The following TMEM278 variants were observed in gnomAD, a reference collection of about 807,000 sequenced individuals.
TMEM278 encodes the protein transmembrane protein 278.
chr1:1,426,045 G>A, the TMEM278 span: 5 of 1,278,828 alleles, frequency 3.9e-6, no homozygotes, highest in Non-Finnish European at 5.0e-6. Flanking sequence ...GTGGGGCGGG[G>A]TTAAAGGTCT....
chr1:1,428,547 CACA>C, the TMEM278 span, among the ~76,000 whole-genome samples: 5 of 152,282 alleles, frequency 3.3e-5, no homozygotes, highest in East Asian at 9.6e-4. Context: ...GCCACAGGTC[CACA>C]ACGTTCATCA....
chr1:1,430,018 C>G, the TMEM278 span, among the ~76,000 whole-genome samples: 2 of 152,160 alleles, frequency 1.3e-5, no homozygotes, highest in Non-Finnish European at 2.9e-5. Context: ...CCACCACACC[C>G]AGCTAATTTT....
chr1:1,427,213 C>T, the TMEM278 span, among the ~76,000 whole-genome samples: 1 of 146,696 alleles, frequency 6.8e-6, no homozygotes, highest in Admixed American at 6.8e-5. Context: ...TGCATCCTTT[C>T]CTCCACCCCG....
chr1:1,429,184 A>C, the TMEM278 span, among the ~76,000 whole-genome samples: 3 of 151,094 alleles, frequency 2.0e-5, no homozygotes, highest in Non-Finnish European at 2.9e-5. Flanking sequence ...ACAAACAAAA[A>C]AACAACAAAA....
chr1:1,426,132 G>C, the TMEM278 span: 22 of 1,402,300 alleles, frequency 1.6e-5, no homozygotes, highest in Non-Finnish European at 2.0e-5. Context: ...AGGAGCATGA[G>C]TGAGCAGGGG....
chr1:1,426,555 G>A, the TMEM278 span, among the ~76,000 whole-genome samples: 14 of 152,102 alleles, frequency 9.2e-5, no homozygotes, highest in Admixed American at 2.6e-4. Context: ...CACAGCCAAA[G>A]AAGAGCTTTT....
At chr1:1,427,728 G>A in the TMEM278 span, 8 of 1,305,720 alleles carry the variant, frequency 6.1e-6, no homozygotes, top group Admixed American at 2.7e-4. Flanking sequence ...TGGGACCCCC[G>A]GACCCCGCCG....
chr1:1,427,330 G>T, the TMEM278 span, among the ~76,000 whole-genome samples: 9 of 35,232 alleles, frequency 2.6e-4, no homozygotes, highest in African/African-American at 9.1e-4. Context: ...TCTCCTCCGC[G>T]CCTCCCCTTC....
At chr1:1,427,579 G>T in the TMEM278 span, 1 of 1,062,606 alleles carries the variant, frequency 9.4e-7, no homozygotes, top group Non-Finnish European at 1.1e-6. Flanking sequence ...GGTCCCCGGT[G>T]CCGCGCGCTG....
the TMEM278 span, among the ~76,000 whole-genome samples, chr1:1,426,927 C>G: frequency 6.6e-6 from 1 of 151,984 alleles, no homozygotes; most frequent in African/African-American, 2.4e-5. Flanking sequence ...TGAGCCTCCC[C>G]TCAAGGGACC....
At chr1:1,427,796 C>T in the TMEM278 span, 2 of 1,379,426 alleles carry the variant, frequency 1.4e-6, no homozygotes, top group South Asian at 1.4e-5. Context: ...GACCCGGCGG[C>T]CGCTGCGAAA....
chr1:1,427,075 TC>T, the TMEM278 span, among the ~76,000 whole-genome samples: 5 of 104,668 alleles, frequency 4.8e-5, no homozygotes, highest in Non-Finnish European at 9.9e-5. Context: ...TCCCTCCATC[TC>T]CCCCCTCCCT....
At chr1:1,427,589 G>C in the TMEM278 span, 3 of 1,167,654 alleles carry the variant, frequency 2.6e-6, no homozygotes, top group African/African-American at 7.4e-5. Context: ...GCCGCGCGCT[G>C]TTCTCAGACC....
chr1:1,425,950 G>A, the TMEM278 span, among the ~76,000 whole-genome samples: 8 of 152,134 alleles, frequency 5.3e-5, no homozygotes, highest in Admixed American at 3.3e-4. Context: ...ACTGAGGTGG[G>A]GGTGTGGCTC....
At chr1:1,427,719 G>T in the TMEM278 span, 1 of 1,317,334 alleles carries the variant, frequency 7.6e-7, no homozygotes, top group Non-Finnish European at 9.7e-7. Context: ...TCCGCCCGCT[G>T]GGACCCCCGG....
the TMEM278 span, among the ~76,000 whole-genome samples, chr1:1,426,955 T>C: frequency 6.6e-6 from 1 of 151,652 alleles, no homozygotes; most frequent in Non-Finnish European, 1.5e-5. Flanking sequence ...GCCCTTTACC[T>C]GCTGCGTCCC....
chr1:1,428,130 G>C, the TMEM278 span, among the ~76,000 whole-genome samples: 1 of 66,238 alleles, frequency 1.5e-5, no homozygotes, highest in African/African-American at 5.8e-5. Flanking sequence ...GAGGGGAGGG[G>C]AGGGGAGGGG....
the TMEM278 span, chr1:1,427,764 G>C: frequency 7.5e-7 from 1 of 1,339,298 alleles, no homozygotes; most frequent in Non-Finnish European, 9.6e-7. Flanking sequence ...CGACGAGGAC[G>C]AGCAACTCTG....
At chr1:1,427,875 C>T in the TMEM278 span, 18 of 1,205,372 alleles carry the variant, frequency 1.5e-5, no homozygotes, top group Non-Finnish European at 1.9e-5. Flanking sequence ...GAGGGTCGCC[C>T]CCGCTGCCCC....
Sources: gnomAD v4.1 joint callset for allele counts (sites outside exome capture counted in the v4.1 genomes callset) on GRCh38, gnomAD v4.1.1 for gene constraint, MANE v1.5 for transcripts, NCBI Gene and HGNC (gene_info 2026-07-23, HGNC 2026-07-21) for gene names.